CDH12: variants seen among roughly 807,000 people sequenced by gnomAD.
The protein encoded by CDH12 is cadherin 12.
CDH12 carries 41 observed loss-of-function variants against 74.1 expected under a neutral mutation model. The observed-to-expected ratio is 0.55, with a 90% CI of 0.43 to 0.72. The LOEUF is 0.72. Ranked by LOEUF, CDH12 falls within the 30% of genes least tolerant of loss-of-function variation. The probability of loss-of-function intolerance (pLI) is 0.00; values close to 1 mark genes in which losing one functional copy is unlikely to be tolerated. For missense variants in CDH12, 945 were observed against 977.2 expected, an observed-to-expected ratio of 0.97 and a Z score of 0.44; for synonymous variants, 399 against 355.0, an observed-to-expected ratio of 1.12 and a Z score of -1.39.
chr5:22,598,876 A>G (rs1736721573), intron 1 of CDH12, among the ~76,000 whole-genome samples: 1 of 152,128 alleles, frequency 6.6e-6, no homozygotes, highest in Non-Finnish European at 1.5e-5. Flanking sequence ...TAAGGTAATC[A>G]ATGTTTCTAG....
At chr5:21,924,542 AT>A (rs1754504101) in intron 6 of CDH12, among the ~76,000 whole-genome samples, 1 of 13,534 alleles carries the variant, frequency 7.4e-5, no homozygotes, top group African/African-American at 9.1e-5. Flanking sequence ...GAATACATAA[AT>A]AAATAAATAA....
intron 1 of CDH12, among the ~76,000 whole-genome samples, chr5:22,596,895 C>A (rs555295258): frequency 1.1e-3 from 168 of 152,178 alleles, no homozygotes; most frequent in Non-Finnish European, 2.1e-3. Flanking sequence ...CTGCTTATTG[C>A]AAAACTTTGG....
intron 5 of CDH12, among the ~76,000 whole-genome samples, chr5:22,066,918 C>T (rs77887874): frequency 6.6e-6 from 1 of 152,138 alleles, no homozygotes; most frequent in African/African-American, 2.4e-5. Context: ...CCAGATGTGG[C>T]TTCATTGCTT....
At chr5:22,413,684 T>C (rs1034814923) in intron 2 of CDH12, among the ~76,000 whole-genome samples, 2 of 152,064 alleles carry the variant, frequency 1.3e-5, no homozygotes, top group African/African-American at 2.4e-5. Flanking sequence ...TTTAAAATAA[T>C]AGCATTTCTT....
chr5:21,822,449 G>A (rs566577396), intron 8 of CDH12, among the ~76,000 whole-genome samples: 1 of 151,998 alleles, frequency 6.6e-6, no homozygotes, highest in East Asian at 1.9e-4. Context: ...TGTTTTGGTG[G>A]TGGAAGAACA....
chr5:22,838,729 C>T (rs1424694386), intron 1 of CDH12, among the ~76,000 whole-genome samples: 1 of 150,636 alleles, frequency 6.6e-6, no homozygotes, highest in Non-Finnish European at 1.5e-5. Context: ...GGTTGGAGTG[C>T]AGTGGCATGA....
At chr5:22,171,199 T>C (rs1201352243) in intron 4 of CDH12, among the ~76,000 whole-genome samples, 2 of 151,898 alleles carry the variant, frequency 1.3e-5, no homozygotes, top group East Asian at 1.9e-4. Flanking sequence ...AGATTTATCA[T>C]GCAGATGACT....
chr5:22,175,929 C>G (rs922885558), intron 4 of CDH12, among the ~76,000 whole-genome samples: 34 of 152,278 alleles, frequency 2.2e-4, no homozygotes, highest in African/African-American at 7.9e-4. Flanking sequence ...CACAGGGTTA[C>G]TAGATGTTTA....
chr5:21,853,928 A>C (rs955584404), intron 7 of CDH12, among the ~76,000 whole-genome samples: 2 of 151,626 alleles, frequency 1.3e-5, no homozygotes, highest in African/African-American at 2.4e-5. Flanking sequence ...TTTCTGCTTC[A>C]ACTGTGACAT....
rs370382883 is a variant in CDH12 at position 22,646,502 on chromosome 5, T to TCTCCTTC, written c.-522-141145_-522-141139dup. Among the ~76,000 whole-genome samples, 1,219 of 152,018 alleles carry TCTCCTTC rather than the reference T, an allele frequency of 8.0e-3. 12 individuals are homozygous for TCTCCTTC. The highest frequency in any genetic ancestry group is 0.026 in the African/African-American group (1,061 of 41,550). On this transcript the variant is annotated intron_variant, in intron 1 of 14. Transcript: ENST00000382254. ...TCAATATTCATTTGTGCCTCACCTT[T>TCTCCTTC]CTCCTTCCTGAAGGAGAGGATTAAC...
At chr5:22,026,560 C>A (rs1738372024) in intron 5 of CDH12, among the ~76,000 whole-genome samples, 2 of 152,232 alleles carry the variant, frequency 1.3e-5, no homozygotes, top group Middle Eastern at 6.8e-3. Context: ...ATCCATTTCC[C>A]AGAAAACTCT....
At chr5:22,403,041 C>A (rs910141966) in intron 3 of CDH12, among the ~76,000 whole-genome samples, 60 of 152,238 alleles carry the variant, frequency 3.9e-4, no homozygotes, top group African/African-American at 1.4e-3. Flanking sequence ...ATGTGCCAAC[C>A]TTTAAATAAA....
chr5:22,624,994 G>T (rs1418324486), intron 1 of CDH12, among the ~76,000 whole-genome samples: 1 of 152,166 alleles, frequency 6.6e-6, no homozygotes, highest in Admixed American at 6.5e-5. Context: ...AAAAGGGTGA[G>T]TTCATGTCCT....
At chr5:21,760,191 G>A (rs984784273) in intron 13 of CDH12, among the ~76,000 whole-genome samples, 1 of 151,986 alleles carries the variant, frequency 6.6e-6, no homozygotes. Context: ...CTTAACCTGT[G>A]CTGTACGGTG....
At chr5:21,981,322 TA>T (rs558660260) in intron 5 of CDH12, among the ~76,000 whole-genome samples, 41 of 152,246 alleles carry the variant, frequency 2.7e-4, no homozygotes, top group African/African-American at 9.1e-4. Context: ...AAATTCATAA[TA>T]AAAGTATATA....
chr5:22,102,329 G>T (rs938474576), intron 4 of CDH12, among the ~76,000 whole-genome samples: 1 of 152,106 alleles, frequency 6.6e-6, no homozygotes, highest in African/African-American at 2.4e-5. Flanking sequence ...CTTTGAAAAA[G>T]TAGTGCGATG....
At chr5:22,743,121 T>TA in intron 1 of CDH12, among the ~76,000 whole-genome samples, 2 of 151,820 alleles carry the variant, frequency 1.3e-5, no homozygotes, top group East Asian at 3.9e-4. Flanking sequence ...GACTGAAACT[T>TA]ACGTGAGTTC....
chr5:22,071,442 A>G (rs1180046156), intron 5 of CDH12, among the ~76,000 whole-genome samples: 6 of 152,154 alleles, frequency 3.9e-5, no homozygotes. Context: ...ACCAAAACCA[A>G]TGGAACATTT....
intron 3 of CDH12, among the ~76,000 whole-genome samples, chr5:22,235,443 G>A (rs559434121): frequency 2.0e-4 from 31 of 152,054 alleles, no homozygotes; most frequent in Non-Finnish European, 3.1e-4. Context: ...TTAGGCAGGC[G>A]TGGTGTGGGC....
Sources: allele counts gnomAD v4.1 joint callset (sites outside exome capture counted in the v4.1 genomes callset), GRCh38; gene constraint gnomAD v4.1.1; transcripts MANE v1.5; gene names NCBI Gene and HGNC (gene_info 2026-07-23, HGNC 2026-07-21).